The following CHD6 variants were observed in gnomAD, a reference collection of about 807,000 sequenced individuals.
CHD6 encodes chromodomain helicase DNA binding protein 6.
In CHD6, 50 loss-of-function variants were observed where a neutral mutation model predicts 276.9. The ratio of observed to expected loss-of-function variants is 0.18; its 90% CI spans 0.14 to 0.23. The LOEUF is 0.23. Ranked by LOEUF, CHD6 falls within the 10% of genes least tolerant of loss-of-function variation. The pLI is 1.00. For synonymous variants in CHD6, 1,173 were observed against 1,229.3 expected (o/e 0.95, Z 0.96); for missense variants, 2,564 against 3,365.8 (o/e 0.76, Z 5.89).
intron 1 of CHD6, among the ~76,000 whole-genome samples, chr20:41,611,094 T>C (rs2045882901): frequency 6.6e-6 from 1 of 152,252 alleles, no homozygotes; most frequent in Non-Finnish European, 1.5e-5. Context: ...TCTCTGATCT[T>C]ACTATTTTCT....
At chr20:41,407,040 T>C (rs1027051777) in intron 36 of CHD6, among the ~76,000 whole-genome samples, 4 of 152,316 alleles carry the variant, frequency 2.6e-5, no homozygotes, top group African/African-American at 9.6e-5. Context: ...ATGGATCTTG[T>C]CACACTGGAT....
At chr20:41,454,900 T>C (rs2048338235) in intron 19 of CHD6, among the ~76,000 whole-genome samples, 164 bp from the exon 20 acceptor site, 1 of 152,264 alleles carries the variant, frequency 6.6e-6, no homozygotes, top group African/African-American at 2.4e-5. Context: ...GGCTATTCTT[T>C]TTTTACCTTT....
At chr20:41,525,637 AG>A (rs1249064309) in intron 3 of CHD6, among the ~76,000 whole-genome samples, 3 of 152,230 alleles carry the variant, frequency 2.0e-5, no homozygotes, top group Non-Finnish European at 4.4e-5. Context: ...AAATGAAAGC[AG>A]GCTGCGTGTA....
At chr20:41,411,985 T>G (rs187218349) in intron 36 of CHD6, among the ~76,000 whole-genome samples, 159 bp downstream of exon 36, 27 of 152,316 alleles carry the variant, frequency 1.8e-4, no homozygotes, top group Non-Finnish European at 3.1e-4. Flanking sequence ...ACAGCACCAT[T>G]TCTTGCTGCT....
At chr20:41,446,954 G>A (rs1390325282) in intron 24 of CHD6, among the ~76,000 whole-genome samples, 1 of 152,158 alleles carries the variant, frequency 6.6e-6, no homozygotes, top group Non-Finnish European at 1.5e-5. Flanking sequence ...GATATTATCA[G>A]GTGGAATTCT....
chr20:41,539,851 G>C (rs73611300), intron 2 of CHD6, among the ~76,000 whole-genome samples: 3,375 of 152,218 alleles, frequency 0.022, 46 homozygotes, highest in South Asian at 0.041. Context: ...CCATCATCTG[G>C]AATAATACTA....
chr20:41,610,484 G>A (rs1033720473), intron 1 of CHD6, among the ~76,000 whole-genome samples: 7 of 152,132 alleles, frequency 4.6e-5, no homozygotes, highest in African/African-American at 7.2e-5. Flanking sequence ...TTGATAGGCC[G>A]GGTGCGGTAG....
intron 17 of CHD6, among the ~76,000 whole-genome samples, chr20:41,458,805 C>T (rs532213952): frequency 6.6e-6 from 1 of 152,112 alleles, no homozygotes; most frequent in East Asian, 1.9e-4. Context: ...CCTGAGTAAG[C>T]AAGCAGAGGG....
intron 1 of CHD6, among the ~76,000 whole-genome samples, chr20:41,551,844 A>G (rs2045152033): frequency 6.6e-6 from 1 of 152,208 alleles, no homozygotes; most frequent in Non-Finnish European, 1.5e-5. Context: ...AGGATTTGGT[A>G]TATTATTTGA....
intron 34 of CHD6, 120 bp from the exon 35 acceptor site, chr20:41,413,635 A>C (rs2046909580): frequency 1.2e-6 from 1 of 858,746 alleles, no homozygotes; most frequent in East Asian, 2.8e-5. Context: ...GATATTACTC[A>C]GCTGGGGTGC....
At chr20:41,562,753 T>A (rs1020855498) in intron 1 of CHD6, among the ~76,000 whole-genome samples, 1 of 152,214 alleles carries the variant, frequency 6.6e-6, no homozygotes, top group Non-Finnish European at 1.5e-5. Context: ...AGGGACCGTA[T>A]CTATTTTGAC....
At chr20:41,606,913 T>C (rs1436082040) in intron 1 of CHD6, among the ~76,000 whole-genome samples, 3 of 152,276 alleles carry the variant, frequency 2.0e-5, no homozygotes, top group South Asian at 2.1e-4. Context: ...ACAACAAAGT[T>C]TGAGCACCAC....
rs1189323419 is a variant in CHD6, at chr20:41,504,077, CAAA to C, written c.853-4723_853-4721del. 1.0e-3 allele frequency among the ~76,000 whole-genome samples: 28 copies of C among 27,090 alleles called. No homozygotes were observed. The South Asian group carries it at 0.018, about 17-fold the overall frequency. 17.8% of individuals were successfully genotyped at this position (27,090 alleles called of 152,430 possible). A position where few individuals can be genotyped will look rare whatever the true frequency, so the allele number is the denominator to read the frequency against. ...TGGGTGATAGAGTGAGACTCTGTCT[CAAA>C]AAAAAAAAAAAAAAAAAAAAAAAAG... On this transcript the variant is annotated intron_variant, in intron 5 of 36. Transcript: ENST00000373233.
At chr20:41,599,832 T>C (rs950739082) in intron 1 of CHD6, among the ~76,000 whole-genome samples, 6 of 152,224 alleles carry the variant, frequency 3.9e-5, no homozygotes, top group African/African-American at 1.4e-4. Flanking sequence ...TAGTTGGTAA[T>C]AGACAGCCTC....
rs552799137 is a variant in CHD6 at position 41,429,482 on chromosome 20, T to C, written c.4069-3329A>G. Among the ~76,000 whole-genome samples the C allele has an allele frequency of 6.6e-5, 10 of 152,298 alleles. 1 individual carries two copies. The highest frequency in any genetic ancestry group is 2.4e-4 in the African/African-American group (10 of 41,572). ...ATTCTATGACTCTCTGAACGCCACA[T>C]TTTAAGAGGACAACAACCATAGTGT... On this transcript the variant is annotated intron_variant, in intron 27 of 36. Coordinates refer to ENST00000373233, the MANE Select transcript of CHD6 (RefSeq NM_032221.5).
intron 2 of CHD6, among the ~76,000 whole-genome samples, chr20:41,544,825 A>G (rs2045010367): frequency 6.6e-6 from 1 of 151,682 alleles, no homozygotes; most frequent in Non-Finnish European, 1.5e-5. Context: ...GTAATATATG[A>G]TTACTATGTA....
chr20:41,484,234 T>C lies in CHD6; in HGVS notation c.2257+118A>G, dbSNP rs1463650410. On this transcript the variant is annotated intron_variant, in intron 15 of 36. Coordinates refer to ENST00000373233, the MANE Select transcript of CHD6 (RefSeq NM_032221.5). The stretch of plus-strand genomic sequence containing the variant: ...CTCAGTTTTATACTCTGTAAAAAGG[T>C]GAGAATGCGTACATCCTAGCATATA... 4 of 1,255,754 alleles carry C rather than the reference T, an allele frequency of 3.2e-6. No individual in the cohort carries two copies. The Admixed American group carries it at 5.8e-5, about 18-fold the overall frequency. The allele number at this position is 1,255,754 out of a possible 1,614,324, so 77.8% of individuals were successfully genotyped here. A position where few individuals can be genotyped will look rare whatever the true frequency, so the allele number is the denominator to read the frequency against.
intron 1 of CHD6, among the ~76,000 whole-genome samples, chr20:41,562,494 A>T (rs2045311689): frequency 1.3e-5 from 2 of 148,306 alleles, no homozygotes; most frequent in Admixed American, 1.3e-4. Flanking sequence ...TGAGGGTTTG[A>T]TTTTTTTTTT....
chr20:41,572,515 G>C (rs1471202673), intron 1 of CHD6, among the ~76,000 whole-genome samples: 1 of 152,124 alleles, frequency 6.6e-6, no homozygotes, highest in Non-Finnish European at 1.5e-5. Flanking sequence ...CTCCTAAAAA[G>C]GATGCCATGT....
Sources: gnomAD v4.1 joint callset for allele counts (sites outside exome capture counted in the v4.1 genomes callset) on GRCh38, gnomAD v4.1.1 for gene constraint, MANE v1.5 for transcripts, NCBI Gene and HGNC (gene_info 2026-07-23, HGNC 2026-07-21) for gene names.